Variants in RCBTB1 observed in about 807,000 individuals in gnomAD.
The protein encoded by RCBTB1 is RCC1 and BTB domain containing protein 1, also known as RCC1 and BTB domain-containing protein 1.
Under a neutral mutation model 62.4 loss-of-function variants are expected in RCBTB1, and 46 were observed. That is an observed-to-expected ratio of 0.74 (90% CI 0.58 to 0.94). The LOEUF (loss-of-function observed/expected upper bound fraction) is 0.94, where lower values mean the gene tolerates loss of function less well. Among genes scored for constraint, RCBTB1 ranks in the 40% least tolerant of loss-of-function variants. The pLI, the probability that RCBTB1 is intolerant of heterozygous loss-of-function variation, is 0.00. For missense variants in RCBTB1, 565 were observed against 654.9 expected, an observed-to-expected ratio of 0.86 and a Z score of 1.50; for synonymous variants, 222 against 245.8, an observed-to-expected ratio of 0.90 and a Z score of 0.91.
intron 5 of RCBTB1, among the ~76,000 whole-genome samples, chr13:49,559,449 G>C (rs939639809): frequency 2.0e-5 from 3 of 152,142 alleles, no homozygotes; most frequent in Non-Finnish European, 4.4e-5. Flanking sequence ...GAGGTCAGGA[G>C]ATCGAGACCA....
intron 12 of RCBTB1, among the ~76,000 whole-genome samples, chr13:49,536,527 C>T (rs1289901674): frequency 1.3e-5 from 2 of 152,210 alleles, no homozygotes; most frequent in African/African-American, 4.8e-5. Flanking sequence ...GAAAATGCAA[C>T]TCCTGTCCAA....
At chr13:49,548,205 C>T (rs576661663) in intron 9 of RCBTB1, among the ~76,000 whole-genome samples, 2 of 152,022 alleles carry the variant, frequency 1.3e-5, no homozygotes, top group African/African-American at 4.8e-5. Context: ...GCCTGATCAA[C>T]ATTGTGAAAC....
intron 2 of RCBTB1, among the ~76,000 whole-genome samples, chr13:49,570,986 CT>C (rs1484434623): frequency 6.6e-6 from 1 of 152,172 alleles, no homozygotes; most frequent in African/African-American, 2.4e-5. Context: ...CCTAAAGTCA[CT>C]TCTTTCTGAC....
intron 9 of RCBTB1, among the ~76,000 whole-genome samples, chr13:49,545,811 C>T (rs1014870466): frequency 1.3e-5 from 2 of 152,148 alleles, no homozygotes; most frequent in Non-Finnish European, 2.9e-5. Context: ...GAACCATTTT[C>T]CCTTGGTAGC....
In RCBTB1 at chr13:49,544,869, G is replaced by A. The variant is rs757573944; in HGVS notation, c.1046-6C>T. ...TGTTAAAAAGTCTTCATGCTCTGAA[G>A]GCAACAAACATATATTAATATGGCA... On this transcript the variant is annotated splice_polypyrimidine_tract_variant and splice_region_variant and intron_variant, in intron 9 of 12. Transcript: ENST00000378302. 3.7e-6 allele frequency: 6 copies of A among 1,606,086 alleles called. No homozygotes were observed. In the African/African-American group the frequency reaches 8.0e-5, roughly 22 times the overall value.
intron 8 of RCBTB1, 92 bp downstream of exon 8, chr13:49,551,234 A>C: frequency 7.0e-7 from 1 of 1,418,970 alleles, no homozygotes; most frequent in Non-Finnish European, 9.6e-7. Flanking sequence ...AATAAACAGA[A>C]GAATCACAAA....
intron 10 of RCBTB1, among the ~76,000 whole-genome samples, chr13:49,542,330 C>T (rs1361654714): frequency 6.6e-6 from 1 of 152,066 alleles, no homozygotes; most frequent in African/African-American, 2.4e-5. Context: ...TTGTACATGC[C>T]TTTTACATAC....
intron 4 of RCBTB1, among the ~76,000 whole-genome samples, chr13:49,565,366 G>A (rs1368813863): frequency 4.0e-5 from 6 of 151,872 alleles, no homozygotes; most frequent in African/African-American, 7.3e-5. Flanking sequence ...GGCTAGCTAC[G>A]ACCTCCACCT....
At chr13:49,567,133 T>C in intron 3 of RCBTB1, 21 bp downstream of exon 3, 1 of 1,611,846 alleles carries the variant, frequency 6.2e-7, no homozygotes, top group Non-Finnish European at 8.5e-7. Context: ...AAAACGAAAC[T>C]AGGTTTCAAG....
At chr13:49,574,815 T>A (rs1216991106) in intron 2 of RCBTB1, among the ~76,000 whole-genome samples, 2 of 152,070 alleles carry the variant, frequency 1.3e-5, no homozygotes, top group African/African-American at 4.8e-5. Context: ...TTATTCACAA[T>A]AGCCAAAATG....
At chr13:49,583,600 G>A (rs1964228020) in intron 1 of RCBTB1, among the ~76,000 whole-genome samples, 1 of 151,888 alleles carries the variant, frequency 6.6e-6, no homozygotes, top group African/African-American at 2.4e-5. Flanking sequence ...AGGCTGGAGT[G>A]CAGTGGCACA....
intron 3 of RCBTB1, 104 bp downstream of exon 3, chr13:49,567,050 C>T: frequency 9.2e-7 from 1 of 1,085,850 alleles, no homozygotes; most frequent in Non-Finnish European, 1.3e-6. Flanking sequence ...ACTTCAGGAT[C>T]TCTTTATTTA....
chr13:49,562,853 G>A lies in RCBTB1; in HGVS notation c.278-2769C>T, dbSNP rs981351778. ...TTGACCAGGCTGGTCTTGAACTCCC[G>A]GCCTGGAGCAAACGTCCTGCCTTGG... On this transcript the variant is annotated intron_variant, in intron 4 of 12. Transcript: ENST00000378302. Among the ~76,000 whole-genome samples, 6 of 137,460 alleles carry A rather than the reference G, an allele frequency of 4.4e-5. No homozygotes were observed. In the East Asian group the frequency reaches 6.6e-4, roughly 15 times the overall value. 90.2% of individuals were successfully genotyped at this position (137,460 alleles called of 152,430 possible).
Position 49,549,631 on chromosome 13 carries a change from G to T in RCBTB1, c.872C>A (p.Ala291Asp). 1 of 1,611,174 alleles carries T rather than the reference G, an allele frequency of 6.2e-7. No homozygotes were observed. The highest frequency in any genetic ancestry group is 1.1e-5 in the South Asian group (1 of 90,838). ...VEKERVVEIA[A>D]CHSAHTSAAK... ...TGCAGACGTGTGGGCAGAGTGACAG[G>T]CTGCAATCTCTACCACCCTGAAAAG... Residue 291 changes from alanine (A) to aspartate (D), a missense_variant, in exon 9 of 13, where the codon GCC becomes GAC. By Grantham distance (126) the Ala-to-Asp change is moderately radical. Transcript: ENST00000378302.
intron 12 of RCBTB1, 27 bp from the exon 13 acceptor site, chr13:49,534,289 A>C: frequency 6.2e-7 from 1 of 1,600,694 alleles, no homozygotes; most frequent in Non-Finnish European, 8.5e-7. Flanking sequence ...AATAAAAACA[A>C]AAATGGCTTT....
intron 5 of RCBTB1, among the ~76,000 whole-genome samples, chr13:49,557,325 AGAGGAACAAAATG>A (rs1962007956): frequency 6.6e-6 from 1 of 152,152 alleles, no homozygotes; most frequent in African/African-American, 2.4e-5. Context: ...ATGGAAATGG[AGAGGAACAAAATG>A]GAGGAACAAA....
At chr13:49,545,980 C>T in intron 9 of RCBTB1, 3 of 512,010 alleles carry the variant, frequency 5.9e-6, no homozygotes, top group Non-Finnish European at 7.6e-6. Flanking sequence ...CCTCCCTCCA[C>T]CCCATGCAAT....
chr13:49,558,768 T>G (rs1242919875), intron 5 of RCBTB1, among the ~76,000 whole-genome samples: 1 of 149,824 alleles, frequency 6.7e-6, no homozygotes, highest in Non-Finnish European at 1.5e-5. Context: ...AACAACACAG[T>G]CAAACACCCT....
chr13:49,565,493 G>C (rs1002560851), intron 4 of RCBTB1, among the ~76,000 whole-genome samples: 1 of 151,188 alleles, frequency 6.6e-6, no homozygotes, highest in Non-Finnish European at 1.5e-5. Flanking sequence ...GGGATGTGAG[G>C]AGCCCCTCTG....
Sources: gnomAD v4.1 joint callset for allele counts (sites outside exome capture counted in the v4.1 genomes callset) on GRCh38, gnomAD v4.1.1 for gene constraint, MANE v1.5 for transcripts, NCBI Gene and HGNC (gene_info 2026-07-23, HGNC 2026-07-21) for gene names.